The following TNKS variants were observed in gnomAD, a reference collection of about 807,000 sequenced individuals.
TNKS encodes the protein poly [ADP-ribose] polymerase tankyrase-1.
Under a neutral mutation model 135.8 loss-of-function variants are expected in TNKS, and 72 were observed. The ratio of observed to expected loss-of-function variants is 0.53; its 90% CI spans 0.44 to 0.64. The LOEUF (loss-of-function observed/expected upper bound fraction) is 0.64. TNKS is among the 30% of genes least tolerant of loss of function. The pLI is 0.00. For synonymous variants in TNKS, 849 were observed against 649.3 expected (o/e 1.31, Z -4.68); for missense variants, 1,769 against 1,674.0 (o/e 1.06, Z -0.99).
chr8:9,767,832 G>A (rs1348290686), intron 25 of TNKS, among the ~76,000 whole-genome samples: 1 of 151,806 alleles, frequency 6.6e-6, no homozygotes, highest in Non-Finnish European at 1.5e-5. Flanking sequence ...GGTGGCAGGC[G>A]CTTGTAGTCC....
At chr8:9,700,544 T>C (rs1803745143) in intron 5 of TNKS, among the ~76,000 whole-genome samples, 1 of 152,166 alleles carries the variant, frequency 6.6e-6, no homozygotes, top group African/African-American at 2.4e-5. Context: ...ATCTAGGCAC[T>C]TTAAATTCAG....
intron 3 of TNKS, among the ~76,000 whole-genome samples, chr8:9,621,978 A>G (rs570298903): frequency 6.6e-6 from 1 of 152,334 alleles, no homozygotes; most frequent in Non-Finnish European, 1.5e-5. Context: ...CAATGTGAAT[A>G]CTCATTTTAA....
chr8:9,763,340 C>T (rs1487183559), intron 22 of TNKS, 96 bp downstream of exon 22: 2 of 718,074 alleles, frequency 2.8e-6, no homozygotes, highest in Admixed American at 5.1e-5. Context: ...GCCTTGCGGT[C>T]ACATGCCTAT....
chr8:9,580,286 G>A lies in TNKS; in HGVS notation c.801G>A (p.Leu267=). 2 of 1,614,204 alleles carry A rather than the reference G, an allele frequency of 1.2e-6. No homozygotes were observed. ...TTGGCCATGCTGAGGTTGTGAGTCT[G>A]TTATTGTGCCAAGGAGCTGATCCAA... The part of the protein sequence containing the change: ...CSFGHAEVVS[L]LLCQGADPNA... The change falls in exon 2 of 27, where the codon CTG becomes CTA. Residue 267 remains leucine, a synonymous_variant. Transcript: ENST00000310430.
intron 11 of TNKS, among the ~76,000 whole-genome samples, chr8:9,711,849 A>T (rs1804348328): frequency 6.6e-6 from 1 of 152,192 alleles, no homozygotes; most frequent in Admixed American, 6.5e-5. Context: ...GATATAAATG[A>T]ATCACCCAGC....
At chr8:9,707,127 G>T (rs918548072) in intron 8 of TNKS, 130 bp downstream of exon 8, 11 of 788,872 alleles carry the variant, frequency 1.4e-5, no homozygotes, top group African/African-American at 1.1e-4. Flanking sequence ...ATTTCTAATT[G>T]TATACTTTTC....
intron 17 of TNKS, chr8:9,741,696 C>T (rs960242475): frequency 5.7e-6 from 3 of 527,348 alleles, no homozygotes; most frequent in Admixed American, 3.9e-5. Context: ...GTGTGTCACT[C>T]GATGACCACT....
At chr8:9,713,674 T>G (rs1804443142) in intron 11 of TNKS, among the ~76,000 whole-genome samples, 1 of 152,164 alleles carries the variant, frequency 6.6e-6, no homozygotes, top group South Asian at 2.1e-4. Flanking sequence ...TTAATCAGAG[T>G]TATGAACCCA....
intron 3 of TNKS, among the ~76,000 whole-genome samples, chr8:9,674,483 C>T (rs909227973): frequency 2.0e-5 from 3 of 152,048 alleles, no homozygotes; most frequent in Non-Finnish European, 4.4e-5. Context: ...TAAAAGGTAA[C>T]TTCTTATATG....
chr8:9,623,901 G>A (rs75628044), intron 3 of TNKS, among the ~76,000 whole-genome samples: 11,248 of 152,016 alleles, frequency 0.074, 452 homozygotes, highest in South Asian at 0.17. Flanking sequence ...ACTCCGGAGG[G>A]TGAGGCTGGA....
At chr8:9,672,893 TTTC>T (rs1802363546) in intron 3 of TNKS, among the ~76,000 whole-genome samples, 1 of 152,126 alleles carries the variant, frequency 6.6e-6, no homozygotes, top group Admixed American at 6.5e-5. Flanking sequence ...CCTTTTTTGT[TTTC>T]TTTTTAATAT....
chr8:9,604,216 T>C (rs1488475718), intron 2 of TNKS, among the ~76,000 whole-genome samples: 1 of 152,158 alleles, frequency 6.6e-6, no homozygotes, highest in African/African-American at 2.4e-5. Context: ...GAGCTCATCA[T>C]GTTTTGAAGT....
intron 3 of TNKS, among the ~76,000 whole-genome samples, chr8:9,660,310 T>C (rs531203187): frequency 2.2e-4 from 34 of 152,246 alleles, no homozygotes. Flanking sequence ...ACCAATATCC[T>C]TGATGAACAT....
intron 13 of TNKS, 43 bp downstream of exon 13, chr8:9,726,763 T>G: frequency 1.4e-6 from 2 of 1,455,910 alleles, no homozygotes; most frequent in Non-Finnish European, 9.5e-7. Context: ...CTGTTGAACT[T>G]TGCTAACCAA....
chr8:9,656,447 C>G (rs1301637462), intron 3 of TNKS, among the ~76,000 whole-genome samples: 1 of 152,032 alleles, frequency 6.6e-6, no homozygotes, highest in Non-Finnish European at 1.5e-5. Context: ...GTCAAATTCA[C>G]CGAAGTTGAA....
intron 3 of TNKS, among the ~76,000 whole-genome samples, chr8:9,638,338 C>G (rs1409643613): frequency 1.3e-5 from 2 of 152,192 alleles, no homozygotes; most frequent in East Asian, 3.9e-4. Context: ...TACTTACTTT[C>G]TCATTAGTTA....
chr8:9,660,964 G>A (rs1181464011), intron 3 of TNKS, among the ~76,000 whole-genome samples: 1 of 147,904 alleles, frequency 6.8e-6, no homozygotes, highest in Admixed American at 7.0e-5. Context: ...GCCAAATCAT[G>A]AGTGAACTCC....
chr8:9,633,407 C>G (rs1161323899), intron 3 of TNKS, among the ~76,000 whole-genome samples: 46 of 152,160 alleles, frequency 3.0e-4, no homozygotes, highest in Admixed American at 3.0e-3. Flanking sequence ...TTCTCTAGAA[C>G]TACTGATGGA....
rs151183227 is a variant in TNKS at position 9,692,122 on chromosome 8, G to A, written c.1107+11322G>A. Among the ~76,000 whole-genome samples, 379 of 152,186 alleles carry A rather than the reference G, an allele frequency of 2.5e-3. 2 individuals carry two copies. Among genetic ancestry groups the A allele is most frequent in the Non-Finnish European group, 3.8e-3 (260 of 68,016 alleles). On this transcript the variant is annotated intron_variant, in intron 5 of 26. Coordinates refer to ENST00000310430, the MANE Select transcript of TNKS (RefSeq NM_003747.3). ...GGTTTGTTGCTTGGGTAAATTGTGC[G>A]TTACTGAGGCTTGGCTTACGAATGA...
Sources: allele counts gnomAD v4.1 joint callset (sites outside exome capture counted in the v4.1 genomes callset), GRCh38; gene constraint gnomAD v4.1.1; transcripts MANE v1.5; gene names NCBI Gene and HGNC (gene_info 2026-07-23, HGNC 2026-07-21).